B3GALT1: variants seen among roughly 807,000 people sequenced by gnomAD.
B3GALT1 encodes beta-1,3-galactosyltransferase 1.
Under a neutral mutation model 23.2 loss-of-function variants are expected in B3GALT1, and 10 were observed. The ratio of observed to expected loss-of-function variants is 0.43; its 90% CI spans 0.27 to 0.73. B3GALT1 has a LOEUF of 0.73. Ranked by LOEUF, B3GALT1 falls within the 30% of genes least tolerant of loss-of-function variation. The probability of loss-of-function intolerance (pLI) is 0.21; values close to 1 mark genes in which losing one functional copy is unlikely to be tolerated. For missense variants in B3GALT1, 299 were observed against 405.4 expected (o/e 0.74, Z 2.25); for synonymous variants, 156 against 141.5 (o/e 1.10, Z -0.73).
chr2:167,369,707 G>T (rs751217716), intron 1 of B3GALT1, among the ~76,000 whole-genome samples: 1 of 152,144 alleles, frequency 6.6e-6, no homozygotes, highest in Non-Finnish European at 1.5e-5. Context: ...GAACAAGATG[G>T]CTTTTAGTTT....
chr2:167,295,335 A>G (rs1696331716), intron 1 of B3GALT1, among the ~76,000 whole-genome samples: 1 of 152,196 alleles, frequency 6.6e-6, no homozygotes, highest in Admixed American at 6.5e-5. Context: ...TGGTTGTTCT[A>G]TACAAAATTT....
intron 1 of B3GALT1, among the ~76,000 whole-genome samples, chr2:167,420,121 A>G (rs1249963845): frequency 6.6e-5 from 10 of 152,142 alleles, no homozygotes; most frequent in Admixed American, 5.9e-4. Flanking sequence ...ATTTTGCGGC[A>G]GTCCAGAGTG....
At chr2:167,813,030 TTTA>T (rs1158832913) in intron 3 of B3GALT1, among the ~76,000 whole-genome samples, 3 of 141,424 alleles carry the variant, frequency 2.1e-5, no homozygotes, top group African/African-American at 5.3e-5. Flanking sequence ...CCCTCTGTTT[TTTA>T]TTATCTCCAT....
intron 3 of B3GALT1, among the ~76,000 whole-genome samples, chr2:167,716,480 C>T (rs1172738293): frequency 6.6e-6 from 1 of 152,222 alleles, no homozygotes. Flanking sequence ...GATATACGTA[C>T]AGGCACTGTT....
chr2:167,494,434 C>A (rs184763320), intron 2 of B3GALT1, among the ~76,000 whole-genome samples: 1 of 151,770 alleles, frequency 6.6e-6, no homozygotes, highest in Non-Finnish European at 1.5e-5. Flanking sequence ...AAGTTAGTAC[C>A]CTCATTCCAA....
At chr2:167,355,212 G>A (rs1440973486) in intron 1 of B3GALT1, among the ~76,000 whole-genome samples, 1 of 152,200 alleles carries the variant, frequency 6.6e-6, no homozygotes, top group Non-Finnish European at 1.5e-5. Flanking sequence ...TGCATTTCCA[G>A]TTTAACCTCA....
At chr2:167,560,884 T>A (rs61353392) in intron 2 of B3GALT1, among the ~76,000 whole-genome samples, 5,167 of 151,888 alleles carry the variant, frequency 0.034, 150 homozygotes, top group African/African-American at 0.081. Context: ...ACTGTCAACA[T>A]TAGACAGATC....
At chr2:167,302,795 A>G (rs1258631525) in intron 1 of B3GALT1, among the ~76,000 whole-genome samples, 3 of 152,174 alleles carry the variant, frequency 2.0e-5, no homozygotes, top group Non-Finnish European at 4.4e-5. Flanking sequence ...ATTCTGTTAA[A>G]TATGATTATA....
At chr2:167,423,789 A>T (rs542348190) in intron 1 of B3GALT1, among the ~76,000 whole-genome samples, 103 of 152,182 alleles carry the variant, frequency 6.8e-4, no homozygotes, top group African/African-American at 2.4e-3. Flanking sequence ...ACATTTTCAT[A>T]TTGGCAATGA....
chr2:167,614,794 A>T (rs991482134), intron 2 of B3GALT1, among the ~76,000 whole-genome samples: 3 of 152,052 alleles, frequency 2.0e-5, no homozygotes, highest in Admixed American at 2.0e-4. Flanking sequence ...TTTCAAATAC[A>T]TTAGAAAAGG....
intron 1 of B3GALT1, among the ~76,000 whole-genome samples, chr2:167,455,594 A>T (rs11897122): frequency 2.4e-4 from 37 of 152,000 alleles, no homozygotes; most frequent in African/African-American, 6.3e-4. Context: ...GCTCACTGCA[A>T]TCTATGCCTC....
intron 1 of B3GALT1, among the ~76,000 whole-genome samples, chr2:167,468,241 A>G (rs1321313938): frequency 6.6e-6 from 1 of 152,126 alleles, no homozygotes; most frequent in African/African-American, 2.4e-5. Flanking sequence ...TACTTTTGAG[A>G]GTGGGCTATA....
At chr2:167,781,890 T>A (rs1688251327) in intron 3 of B3GALT1, among the ~76,000 whole-genome samples, 1 of 152,092 alleles carries the variant, frequency 6.6e-6, no homozygotes, top group Non-Finnish European at 1.5e-5. Context: ...TACAGGTGTG[T>A]GCCCCTACGC....
At chr2:167,483,967 A>G (rs1574098238) in intron 1 of B3GALT1, among the ~76,000 whole-genome samples, 1 of 152,206 alleles carries the variant, frequency 6.6e-6, no homozygotes, top group African/African-American at 2.4e-5. Context: ...AGCATCTTCA[A>G]TGGAGCTATC....
chr2:167,414,356 A>G (rs931958620), intron 1 of B3GALT1, among the ~76,000 whole-genome samples: 2 of 152,146 alleles, frequency 1.3e-5, no homozygotes, highest in African/African-American at 2.4e-5. Context: ...AGTGACTCTG[A>G]GATGTAAAAA....
intron 1 of B3GALT1, among the ~76,000 whole-genome samples, chr2:167,407,166 A>G (rs1698294374): frequency 6.6e-6 from 1 of 152,190 alleles, no homozygotes; most frequent in Non-Finnish European, 1.5e-5. Context: ...GTAGAACAAA[A>G]CTAGAAATCA....
At chr2:167,559,518 A>C (rs1683926981) in intron 2 of B3GALT1, among the ~76,000 whole-genome samples, 1 of 152,216 alleles carries the variant, frequency 6.6e-6, no homozygotes, top group Admixed American at 6.5e-5. Context: ...AAGCTACAGG[A>C]GGAAATTCAA....
chr2:167,670,555 A>T (rs1054164709), intron 3 of B3GALT1, among the ~76,000 whole-genome samples: 1 of 152,290 alleles, frequency 6.6e-6, no homozygotes, highest in East Asian at 1.9e-4. Flanking sequence ...TCCAGTAACA[A>T]CCCCAAAGAA....
intron 2 of B3GALT1, among the ~76,000 whole-genome samples, chr2:167,641,621 A>G (rs145641512): frequency 3.3e-5 from 5 of 152,270 alleles, no homozygotes; most frequent in African/African-American, 1.2e-4. Context: ...CATTTGACAC[A>G]GTTGGGCATT....
Sources: gnomAD v4.1 joint callset for allele counts (sites outside exome capture counted in the v4.1 genomes callset) on GRCh38, gnomAD v4.1.1 for gene constraint, MANE v1.5 for transcripts, NCBI Gene and HGNC (gene_info 2026-07-23, HGNC 2026-07-21) for gene names.